ROBO1: variants seen among roughly 807,000 people sequenced by gnomAD.
The protein encoded by ROBO1 is roundabout homolog 1.
Under a neutral mutation model 195.9 loss-of-function variants are expected in ROBO1, and 149 were observed. The observed-to-expected ratio is 0.76, with a 90% CI of 0.67 to 0.87. The LOEUF (loss-of-function observed/expected upper bound fraction) is 0.87. ROBO1 is among the 40% of genes least tolerant of loss of function. The pLI is 0.00. For synonymous variants in ROBO1, 816 were observed against 733.2 expected (o/e 1.11, Z -1.82); for missense variants, 1,933 against 2,068.3 (o/e 0.93, Z 1.27).
intron 4 of ROBO1, chr3:78,938,051 G>A (rs978364797): frequency 8.6e-5 from 13 of 151,560 alleles, no homozygotes; most frequent in East Asian, 2.0e-4. Context: ...GCTATTCACC[G>A]GCATGATCCC....
At chr3:79,722,473 A>G (rs552584151) in intron 1 of ROBO1, among the ~76,000 whole-genome samples, 1 of 152,318 alleles carries the variant, frequency 6.6e-6, no homozygotes, top group African/African-American at 2.4e-5. Context: ...GCCATTCATG[A>G]AGACCTCACA....
At chr3:79,538,720 G>T (rs1189280991) in intron 2 of ROBO1, among the ~76,000 whole-genome samples, 1 of 152,054 alleles carries the variant, frequency 6.6e-6, no homozygotes, top group East Asian at 1.9e-4. Context: ...ACTGCTGTTT[G>T]GTTACAATGT....
chr3:78,772,941 G>A (rs939756917), intron 4 of ROBO1, among the ~76,000 whole-genome samples: 12 of 152,084 alleles, frequency 7.9e-5, no homozygotes, highest in Admixed American at 6.5e-5. Context: ...TAACCACTGA[G>A]CTGTGTTGAA....
At chr3:79,398,172 T>G (rs576458601) in intron 2 of ROBO1, among the ~76,000 whole-genome samples, 1 of 152,252 alleles carries the variant, frequency 6.6e-6, no homozygotes, top group Non-Finnish European at 1.5e-5. Context: ...CTTATTCTGG[T>G]TTGGTCTCAA....
chr3:79,318,973 C>A (rs546219722), intron 2 of ROBO1, among the ~76,000 whole-genome samples: 2 of 152,182 alleles, frequency 1.3e-5, no homozygotes, highest in African/African-American at 4.8e-5. Flanking sequence ...TAATCAATAC[C>A]ATTTTTATTT....
chr3:78,643,881 G>A (rs1706120440), intron 21 of ROBO1, among the ~76,000 whole-genome samples: 1 of 152,106 alleles, frequency 6.6e-6, no homozygotes. Context: ...GAAACAATAT[G>A]AGAGTGAAAG....
intron 3 of ROBO1, among the ~76,000 whole-genome samples, chr3:78,944,397 C>G (rs548211667): frequency 8.5e-5 from 13 of 152,336 alleles, no homozygotes; most frequent in African/African-American, 2.2e-4. Flanking sequence ...TGTGAGGACA[C>G]AGAAGGCAGC....
chr3:79,440,845 A>C (rs1028516849), intron 2 of ROBO1, among the ~76,000 whole-genome samples: 1 of 152,126 alleles, frequency 6.6e-6, no homozygotes, highest in Non-Finnish European at 1.5e-5. Flanking sequence ...TGTTGGTGGA[A>C]ATAAGGGAGT....
At chr3:79,620,677 CT>C in intron 1 of ROBO1, among the ~76,000 whole-genome samples, 1 of 152,056 alleles carries the variant, frequency 6.6e-6, no homozygotes, top group Non-Finnish European at 1.5e-5. Context: ...ACATCCTCCC[CT>C]TGTGTCTCCC....
intron 2 of ROBO1, among the ~76,000 whole-genome samples, chr3:79,271,743 T>C (rs1357668827): frequency 6.6e-6 from 1 of 152,060 alleles, no homozygotes; most frequent in African/African-American, 2.4e-5. Flanking sequence ...CCCACTTTCA[T>C]CTAAGGTTTA....
In ROBO1 at chr3:79,275,837, C is replaced by T. The variant is rs148749336; in HGVS notation, c.89-150298G>A. 1.3e-4 allele frequency among the ~76,000 whole-genome samples: 19 copies of T among 151,432 alleles called. No individual in the cohort carries two copies. The East Asian group carries it at 2.1e-3, about 17-fold the overall frequency. On this transcript the variant is annotated intron_variant, in intron 2 of 30. Coordinates refer to ENST00000464233, the MANE Select transcript of ROBO1 (RefSeq NM_002941.4). Reference sequence around the variant, plus strand: ...TCAGTTCATTTCTATATGCAAACAACGAACAATCTGTAAAAGAAATCAAGA... The same window carrying T: ...TCAGTTCATTTCTATATGCAAACAATGAACAATCTGTAAAAGAAATCAAGA...
intron 4 of ROBO1, among the ~76,000 whole-genome samples, chr3:78,773,054 C>T (rs2083418414): frequency 6.6e-6 from 1 of 152,078 alleles, no homozygotes; most frequent in South Asian, 2.1e-4. Flanking sequence ...AACACTTACT[C>T]ACTGACTATA....
chr3:79,509,240 TTATTA>T (rs1162318031), intron 2 of ROBO1, among the ~76,000 whole-genome samples: 1 of 152,102 alleles, frequency 6.6e-6, no homozygotes, highest in African/African-American at 2.4e-5. Context: ...TGGTTCTACT[TTATTA>T]TTTTTTTTTT....
At chr3:79,168,875 G>C (rs2081117743) in intron 2 of ROBO1, among the ~76,000 whole-genome samples, 1 of 152,054 alleles carries the variant, frequency 6.6e-6, no homozygotes, top group Non-Finnish European at 1.5e-5. Context: ...AAGAATGCTA[G>C]AACATTGAAA....
intron 2 of ROBO1, among the ~76,000 whole-genome samples, chr3:79,431,412 C>T (rs2038672113): frequency 6.6e-6 from 1 of 152,204 alleles, no homozygotes; most frequent in Admixed American, 6.6e-5. Flanking sequence ...TGCAGTCCCT[C>T]CAGCAAGTTT....
chr3:79,116,226 C>A (rs2079991120), intron 3 of ROBO1, among the ~76,000 whole-genome samples: 1 of 152,138 alleles, frequency 6.6e-6, no homozygotes, highest in Non-Finnish European at 1.5e-5. Flanking sequence ...ATATAACCCA[C>A]AAGCCTCTTC....
intron 2 of ROBO1, among the ~76,000 whole-genome samples, chr3:79,439,463 A>C (rs1282828199): frequency 2.0e-5 from 3 of 152,012 alleles, no homozygotes; most frequent in African/African-American, 7.2e-5. Context: ...TTATTATCTA[A>C]ATTATTTTTA....
chr3:79,376,996 A>C (rs2036408441), intron 2 of ROBO1, among the ~76,000 whole-genome samples: 1 of 152,218 alleles, frequency 6.6e-6, no homozygotes, highest in Non-Finnish European at 1.5e-5. Flanking sequence ...GGAAATAAAA[A>C]TATATAATTA....
intron 2 of ROBO1, among the ~76,000 whole-genome samples, chr3:79,199,811 T>C (rs80010400): frequency 0.093 from 14,170 of 151,780 alleles, 1,167 homozygotes; most frequent in African/African-American, 0.22. Context: ...AGTTAAAACT[T>C]AGCTACTTGT....
Sources: gnomAD v4.1 joint callset for allele counts (sites outside exome capture counted in the v4.1 genomes callset) on GRCh38, gnomAD v4.1.1 for gene constraint, MANE v1.5 for transcripts, NCBI Gene and HGNC (gene_info 2026-07-23, HGNC 2026-07-21) for gene names.